ARL14EP: variants seen among roughly 807,000 people sequenced by gnomAD.
The protein encoded by ARL14EP is ARF like GTPase 14 effector protein, also known as ARL14 effector protein.
ARL14EP carries 12 observed loss-of-function variants against 23.1 expected under a neutral mutation model. The ratio of observed to expected loss-of-function variants is 0.52; its 90% confidence interval spans 0.33 to 0.84. ARL14EP has a LOEUF of 0.84. Among genes scored for constraint, ARL14EP ranks in the 40% least tolerant of loss-of-function variants. The pLI, the probability that ARL14EP is intolerant of heterozygous loss-of-function variation, is 0.02. For missense variants in ARL14EP, 253 were observed against 307.3 expected, an observed-to-expected ratio of 0.82 and a Z score of 1.32; for synonymous variants, 97 against 102.0, an observed-to-expected ratio of 0.95 and a Z score of 0.29.
chr11:30,333,576 C>T (rs1166224715), intron 3 of ARL14EP, among the ~76,000 whole-genome samples: 2 of 152,112 alleles, frequency 1.3e-5, no homozygotes, highest in African/African-American at 2.4e-5. Context: ...TCGATAAATG[C>T]TGTGGGTGTT....
At chr11:30,335,755 CAAAA>C (rs148912764) in intron 3 of ARL14EP, among the ~76,000 whole-genome samples, 1 of 137,110 alleles carries the variant, frequency 7.3e-6, no homozygotes, top group Non-Finnish European at 1.5e-5. Flanking sequence ...ACTGGAAAAG[CAAAA>C]AAATATATAT....
chr11:30,331,550 A>AT lies in ARL14EP; in HGVS notation c.426+178dup, dbSNP rs1429798960. On this transcript the variant is annotated intron_variant, in intron 2 of 3. Transcript: ENST00000282032. ...TTATTCACATATACTGAAGGTCAAG[A>AT]TTGGGGGATAAAGAAAGTAGGCCTG... The AT allele has an allele frequency of 1.5e-5, 21 of 1,440,596 alleles. No individual in the cohort carries two copies. In the African/African-American group the frequency reaches 3.0e-4, roughly 21 times the overall value. 89.2% of individuals were successfully genotyped at this position (1,440,596 alleles called of 1,614,324 possible).
At chr11:30,333,143 A>G in intron 3 of ARL14EP, 150 bp downstream of exon 3, 1 of 1,075,274 alleles carries the variant, frequency 9.3e-7, no homozygotes, top group Non-Finnish European at 1.3e-6. Context: ...CTTTGTTTTT[A>G]TTCATATAAA....
In ARL14EP at chr11:30,331,376, T is replaced by C; in HGVS notation, c.426+2T>C. ...CAGAAAAGGAAACCTGAGTCAGATG[T>C]ATGTGTAATAGTCATTTTTTTCTAC... On this transcript the variant is annotated splice_donor_variant, in intron 2 of 3. Coordinates refer to ENST00000282032, the MANE Select transcript of ARL14EP (RefSeq NM_152316.3). LOFTEE classifies it high-confidence loss of function. 6.2e-7 allele frequency: 1 copy of C among 1,613,866 alleles called. No individual in the cohort carries two copies.
Position 30,336,906 on chromosome 11 carries a change from C to T in ARL14EP, c.*111C>T. ...TATGACAAAGATTTTAAAACCATCT[C>T]AGTGTGCCCTAATTTTTCATCTTGG... On this transcript the variant is annotated 3_prime_UTR_variant, in exon 4 of 4. Coordinates refer to ENST00000282032, the MANE Select transcript of ARL14EP (RefSeq NM_152316.3). The T allele has an allele frequency of 9.9e-7, 1 of 1,007,220 alleles. No homozygotes were observed. Among genetic ancestry groups the T allele is most frequent in the Non-Finnish European group, 1.5e-6 (1 of 664,088 alleles). The allele number at this position is 1,007,220 out of a possible 1,614,324, so 62.4% of individuals were successfully genotyped here.
At chr11:30,327,944 C>G (rs1947251354) in intron 1 of ARL14EP, 1 of 114,780 alleles carries the variant, frequency 8.7e-6, no homozygotes, top group African/African-American at 2.9e-5. Context: ...CCACTGCACT[C>G]TAGCCTGGGC....
intron 1 of ARL14EP, among the ~76,000 whole-genome samples, chr11:30,326,188 T>A (rs1947233929): frequency 6.6e-6 from 1 of 152,218 alleles, no homozygotes; most frequent in African/African-American, 2.4e-5. Context: ...TAAATTTAAA[T>A]TTTTTAATTG....
At chr11:30,331,481 A>G in intron 2 of ARL14EP, 107 bp downstream of exon 2, 2 of 1,542,454 alleles carry the variant, frequency 1.3e-6, no homozygotes, top group Non-Finnish European at 1.7e-6. Context: ...GTTAGCATAC[A>G]GTGAATTAAA....
intron 1 of ARL14EP, among the ~76,000 whole-genome samples, chr11:30,326,685 T>A (rs1947237132): frequency 6.6e-6 from 1 of 152,178 alleles, no homozygotes; most frequent in Non-Finnish European, 1.5e-5. Flanking sequence ...CCACTTAGGA[T>A]CAGTGTCTGA....
intron 1 of ARL14EP, chr11:30,329,125 C>T (rs1947263541): frequency 6.6e-6 from 1 of 152,000 alleles, no homozygotes; most frequent in African/African-American, 2.4e-5. Context: ...ATATATGTTA[C>T]TCTTATGTAT....
intron 3 of ARL14EP, 25 bp from the exon 4 acceptor site, chr11:30,336,542 T>C: frequency 6.5e-7 from 1 of 1,532,048 alleles, no homozygotes; most frequent in Non-Finnish European, 9.0e-7. Context: ...TTATGAGGTA[T>C]AATTCATTGT....
intron 1 of ARL14EP, among the ~76,000 whole-genome samples, chr11:30,326,040 T>G (rs917705737): frequency 6.6e-6 from 1 of 152,216 alleles, no homozygotes; most frequent in African/African-American, 2.4e-5. Context: ...TTCTCTGTCC[T>G]TAGTGTATCG....
chr11:30,331,233 AG>A lies in ARL14EP; in HGVS notation c.286del (p.Asp96MetfsTer6). 1 of 1,614,046 alleles carries A rather than the reference AG, an allele frequency of 6.2e-7. No homozygotes were observed. The highest frequency in any genetic ancestry group is 1.1e-5 in the South Asian group (1 of 91,084). ...AAAAAAATTTGCATGTAATTGACTT[AG>A]ATGATGCCACTTTTCTGAGTGCTAA... ...AKKNLHVIDL[D>X]DATFLSAKFG... On this transcript the variant is annotated frameshift_variant, in exon 2 of 4. Transcript: ENST00000282032. LOFTEE classifies it high-confidence loss of function.
rs1165388516 is a variant in ARL14EP, at chr11:30,323,150, C to G, written c.-116C>G. The G allele has an allele frequency of 1.3e-5, 2 of 153,088 alleles. No individual in the cohort carries two copies. The highest frequency in any genetic ancestry group is 2.1e-4 in the South Asian group (1 of 4,846). The allele number at this position is 153,088 out of a possible 1,614,324, so 9.5% of individuals were successfully genotyped here. The stretch of plus-strand genomic sequence containing the variant: ...TGGGAAGCGGTCGGTCGAGTGTGGC[C>G]TGTGTGGACTCGCATCTTGCCCGAA... On this transcript the variant is annotated 5_prime_UTR_variant, in exon 1 of 4. Coordinates refer to ENST00000282032, the MANE Select transcript of ARL14EP (RefSeq NM_152316.3).
chr11:30,330,628 G>T (rs1947274297), intron 1 of ARL14EP: 1 of 283,416 alleles, frequency 3.5e-6, no homozygotes, highest in Non-Finnish European at 6.7e-6. Flanking sequence ...ATGTATCTTA[G>T]GATAATATTT....
At chr11:30,333,718 A>G (rs1001793205) in intron 3 of ARL14EP, among the ~76,000 whole-genome samples, 7 of 152,180 alleles carry the variant, frequency 4.6e-5, no homozygotes, top group African/African-American at 1.7e-4. Context: ...GTTCAAGTGA[A>G]AGGAAGAGTC....
At chr11:30,334,506 G>A (rs556168982) in intron 3 of ARL14EP, among the ~76,000 whole-genome samples, 9 of 152,144 alleles carry the variant, frequency 5.9e-5, no homozygotes, top group Middle Eastern at 3.4e-3. Context: ...GAGCCACCAC[G>A]CCCAGCCAAC....
chr11:30,323,989 T>C lies in ARL14EP; in HGVS notation c.-64+787T>C, dbSNP rs144439321. Among the ~76,000 whole-genome samples the C allele has an allele frequency of 4.6e-5, 7 of 152,340 alleles. No individual in the cohort carries two copies. The East Asian group carries it at 9.6e-4, about 21-fold the overall frequency. On this transcript the variant is annotated intron_variant, in intron 1 of 3. Coordinates refer to ENST00000282032, the MANE Select transcript of ARL14EP (RefSeq NM_152316.3). ...TTTTAAATTGCCTTTACCTTTCTTA[T>C]TGTACCTAGATCTTCCTGAGGATTG... is the stretch of plus-strand genomic sequence containing the variant.
In ARL14EP at chr11:30,337,129, A is replaced by G; in HGVS notation, c.*334A>G. 1 of 304,960 alleles carries G rather than the reference A, an allele frequency of 3.3e-6. No individual in the cohort carries two copies. The highest frequency in any genetic ancestry group is 6.2e-6 in the Non-Finnish European group (1 of 160,984). The allele number at this position is 304,960 out of a possible 1,614,324, so 18.9% of individuals were successfully genotyped here. Reference sequence around the variant, plus strand: ...TACCAGGAAGGAAAGAAAACTGGTAAGGAAACTGTTGTTGTTAAAATCTAG... The same window carrying G: ...TACCAGGAAGGAAAGAAAACTGGTAGGGAAACTGTTGTTGTTAAAATCTAG... On this transcript the variant is annotated 3_prime_UTR_variant, in exon 4 of 4. Transcript: ENST00000282032.
Sources: gnomAD v4.1 joint callset for allele counts (sites outside exome capture counted in the v4.1 genomes callset) on GRCh38, gnomAD v4.1.1 for gene constraint, MANE v1.5 for transcripts, NCBI Gene and HGNC (gene_info 2026-07-23, HGNC 2026-07-21) for gene names.